The following ZNF668 variants were observed in gnomAD, a reference collection of about 807,000 sequenced individuals.
ZNF668 encodes zinc finger protein 668.
In ZNF668, 10 loss-of-function variants were observed where a neutral mutation model predicts 40.3. That is an observed-to-expected ratio of 0.25 (90% CI 0.15 to 0.42). The LOEUF (loss-of-function observed/expected upper bound fraction) is 0.42. ZNF668 is among the 10% of genes least tolerant of loss of function. The probability of loss-of-function intolerance (pLI) is 1.00; values close to 1 mark genes in which losing one functional copy is unlikely to be tolerated. For missense variants in ZNF668, 749 were observed against 904.6 expected (o/e 0.83, Z 2.21); for synonymous variants, 428 against 384.6 (o/e 1.11, Z -1.32).
chr16:31,066,102 C>A (rs1220916859), intron 1 of ZNF668: 1 of 985,454 alleles, frequency 1.0e-6, no homozygotes, highest in Non-Finnish European at 1.2e-6. Context: ...CAGCACCCTT[C>A]TGCCTGAAAT....
At chr16:31,066,035 TGACCCAGGGAG>T in intron 1 of ZNF668, 2 of 985,346 alleles carry the variant, frequency 2.0e-6, no homozygotes, top group Non-Finnish European at 2.4e-6. Context: ...CTTACCTGGT[TGACCCAGGGAG>T]GACACAGGAG....
intron 1 of ZNF668, among the ~76,000 whole-genome samples, chr16:31,071,689 C>T (rs1230681810): frequency 6.6e-6 from 1 of 152,126 alleles, no homozygotes; most frequent in Non-Finnish European, 1.5e-5. Context: ...CTCCTGGCTT[C>T]AGATGCTCCT....
In ZNF668 at chr16:31,061,087, G is replaced by A; in HGVS notation, c.1841C>T (p.Pro614Leu). 6.7e-7 allele frequency: 1 copy of A among 1,500,502 alleles called. No individual in the cohort carries two copies. The highest frequency in any genetic ancestry group is 8.9e-7 in the Non-Finnish European group (1 of 1,127,258). 92.9% of individuals were successfully genotyped at this position (1,500,502 alleles called of 1,614,324 possible). A position where few individuals can be genotyped will look rare whatever the true frequency, so the allele number is the denominator to read the frequency against. ...LEPLVALLGM[P>L]EEGPA ...TGGGCTTCAGGCCGGCCCCTCTTCAGGCATTCCTAGCAAAGCCACCAGGGG... is the reference window on the plus strand; with the variant it reads ...TGGGCTTCAGGCCGGCCCCTCTTCAAGCATTCCTAGCAAAGCCACCAGGGG... Residue 614 changes from proline (P) to leucine (L), a missense_variant, in exon 3 of 3, where the codon CCT (proline) becomes CTT (leucine). This residue lies in a region of ZNF668 where 310 missense variants were observed against 355.1 expected (regional missense o/e 0.87). Coordinates refer to ENST00000300849, the MANE Select transcript of ZNF668 (RefSeq NM_024706.5). This position sits in a 1 kb window ranked among gnomAD's most constrained non-coding sequence, Gnocchi z 7.7.
At chr16:31,065,853 C>A (rs75294293) in intron 1 of ZNF668, among the ~76,000 whole-genome samples, 29 of 142,502 alleles carry the variant, frequency 2.0e-4, no homozygotes, top group Admixed American at 4.2e-4. Flanking sequence ...GACTCCGTCT[C>A]AAAAAAAAAA....
chr16:31,068,233 A>AAAAAAAT, intron 1 of ZNF668, among the ~76,000 whole-genome samples: 1 of 85,216 alleles, frequency 1.2e-5, no homozygotes, highest in East Asian at 2.2e-4. Context: ...AAAAAAAAAA[A>AAAAAAAT]AAAAAAATAT....
chr16:31,069,548 C>T (rs1266479239), intron 1 of ZNF668, among the ~76,000 whole-genome samples: 1 of 150,528 alleles, frequency 6.6e-6, no homozygotes, highest in African/African-American at 2.4e-5. Flanking sequence ...TCCTTTTCTT[C>T]CCCCCTTTTA....
chr16:31,068,242 ATATATAT>A (rs1567401588), intron 1 of ZNF668, among the ~76,000 whole-genome samples: 2 of 88,572 alleles, frequency 2.3e-5, no homozygotes, highest in African/African-American at 1.0e-4. Context: ...AAAAAAAAAT[ATATATAT>A]ATATATATAT....
chr16:31,067,126 G>A (rs1157557673), intron 1 of ZNF668, among the ~76,000 whole-genome samples: 2 of 152,096 alleles, frequency 1.3e-5, no homozygotes, highest in Admixed American at 6.6e-5. Flanking sequence ...GGCTGAGGTA[G>A]GAGAAATGCT....
chr16:31,064,435 G>C lies in ZNF668; in HGVS notation c.25C>G (p.Arg9Gly), dbSNP rs376786940. The C allele has an allele frequency of 6.2e-7, 1 of 1,611,706 alleles. No homozygotes were observed. Among genetic ancestry groups the C allele is most frequent in the Non-Finnish European group, 8.5e-7 (1 of 1,179,892 alleles). The change falls in exon 2 of 3, where the codon CGG becomes GGG. Residue 9 changes from arginine to glycine, a missense_variant. Transcript: ENST00000300849. The stretch of plus-strand genomic sequence containing the variant: ...CGCTTGTAGCCGGGGGCTGGGGACC[G>C]GGCCTCTGCAGCCTCCACTTCCATG... MEVEAAEA[R>G]SPAPGYKRSG...
In ZNF668 at chr16:31,064,102, G is replaced by T. The variant is rs566874117; in HGVS notation, c.358C>A (p.Arg120Ser). Residue 120 changes from arginine to serine, a missense_variant, in exon 2 of 3, where the codon CGC becomes AGC. Coordinates refer to ENST00000300849, the MANE Select transcript of ZNF668 (RefSeq NM_024706.5). ...KPFPCPECGR[R>S]FMQPVCLRVH... ...CGCAGGCACACGGGCTGCATGAAGCGGCGGCCGCACTCGGGGCACGGAAAG... is the reference window on the plus strand; with the variant it reads ...CGCAGGCACACGGGCTGCATGAAGCTGCGGCCGCACTCGGGGCACGGAAAG... 3.1e-6 allele frequency: 5 copies of T among 1,605,358 alleles called. No homozygotes were observed. The South Asian group carries it at 5.5e-5, about 18-fold the overall frequency.
In ZNF668 at chr16:31,061,943, C is replaced by T. The variant is rs746955550; in HGVS notation, c.985G>A (p.Val329Met). 5.6e-6 allele frequency: 9 copies of T among 1,613,486 alleles called. No homozygotes were observed. Among genetic ancestry groups the T allele is most frequent in the Admixed American group, 3.3e-5 (2 of 59,992 alleles). ...QPADLAMHRRVHTGDRPFKCL... is the reference protein window; with the variant it reads ...QPADLAMHRRMHTGDRPFKCL... ...TTGAACGGCCGGTCGCCTGTGTGCA[C>T]ACGCCGGTGCATGGCCAGGTCCGCC... Residue 329 changes from valine to methionine, a missense_variant, in exon 3 of 3, where the codon GTG (valine) becomes ATG (methionine). By Grantham distance (21) the Val-to-Met change is conservative. Transcript: ENST00000300849. The surrounding 1 kb of genome is among the most constrained non-coding windows in gnomAD (Gnocchi z 7.7).
chr16:31,068,239 A>AAAATATATATAT (rs1473353128), intron 1 of ZNF668, among the ~76,000 whole-genome samples: 1 of 83,012 alleles, frequency 1.2e-5, no homozygotes, highest in African/African-American at 5.0e-5. Context: ...AAAAAAAAAA[A>AAAATATATATAT]ATATATATAT....
intron 1 of ZNF668, among the ~76,000 whole-genome samples, chr16:31,065,799 A>G (rs1200544572): frequency 6.6e-6 from 1 of 151,508 alleles, no homozygotes; most frequent in Non-Finnish European, 1.5e-5. Context: ...GCTTGCAGTG[A>G]GCCAAGATCG....
Position 31,060,884 on chromosome 16 carries a change from A to G in ZNF668, c.*184T>C. On this transcript the variant is annotated 3_prime_UTR_variant, in exon 3 of 3. Coordinates refer to ENST00000300849, the MANE Select transcript of ZNF668 (RefSeq NM_024706.5). ...GAAAGCTTTAATGAGTGTTACTCCTAGACAGTCACGTCTCAGCTTCTGCCA... is the reference window on the plus strand; with the variant it reads ...GAAAGCTTTAATGAGTGTTACTCCTGGACAGTCACGTCTCAGCTTCTGCCA... The G allele has an allele frequency of 6.4e-6, 4 of 622,984 alleles. No individual in the cohort carries two copies. In the South Asian group the frequency reaches 2.2e-4, roughly 34 times the overall value. 38.6% of individuals were successfully genotyped at this position (622,984 alleles called of 1,614,324 possible). A position where few individuals can be genotyped will look rare whatever the true frequency, so the allele number is the denominator to read the frequency against.
At chr16:31,063,424 C>T (rs2056951218) in intron 2 of ZNF668, among the ~76,000 whole-genome samples, 1 of 151,850 alleles carries the variant, frequency 6.6e-6, no homozygotes. Flanking sequence ...AGCTATTGTG[C>T]CCAGCCTAGA....
rs2057038596 is a variant in ZNF668 at position 31,073,753 on chromosome 16, A to T, written c.-117T>A. 6.6e-6 allele frequency: 1 copy of T among 152,278 alleles called. No homozygotes were observed. The highest frequency in any genetic ancestry group is 6.5e-5 in the Admixed American group (1 of 15,284). 9.4% of individuals were successfully genotyped at this position (152,278 alleles called of 1,614,324 possible). A position where few individuals can be genotyped will look rare whatever the true frequency, so the allele number is the denominator to read the frequency against. On this transcript the variant is annotated 5_prime_UTR_variant, in exon 1 of 3. Transcript: ENST00000300849. Reference sequence around the variant, plus strand: ...CAAACAGGGGCCGGCGCTAGGACCCAGCGGGGGGCGGGGAGGTGGGACCGG... The same window carrying T: ...CAAACAGGGGCCGGCGCTAGGACCCTGCGGGGGGCGGGGAGGTGGGACCGG...
chr16:31,072,407 A>C (rs1241045056), intron 1 of ZNF668, among the ~76,000 whole-genome samples: 1 of 152,228 alleles, frequency 6.6e-6, no homozygotes, highest in Non-Finnish European at 1.5e-5. Context: ...CCAACTCCAC[A>C]AGGCTCAACT....
At position 31,063,825 on chromosome 16, in the gene ZNF668, C is replaced by G; in HGVS notation, c.635G>C (p.Arg212Pro). 6.4e-7 allele frequency: 1 copy of G among 1,574,064 alleles called. No homozygotes were observed. Among genetic ancestry groups the G allele is most frequent in the Non-Finnish European group, 8.7e-7 (1 of 1,155,014 alleles). Reference protein sequence around the residue: ...GKAYAELKDLRNHERSHTGER... With the variant: ...GKAYAELKDLPNHERSHTGER... ...AAGGCACCCTCACCGCTCATGGTTGCGGAGGTCCTTGAGCTCCGCATAGGC... is the reference window on the plus strand; with the variant it reads ...AAGGCACCCTCACCGCTCATGGTTGGGGAGGTCCTTGAGCTCCGCATAGGC... Residue 212 changes from arginine to proline, a missense_variant, in exon 2 of 3, where the codon CGC becomes CCC. Transcript: ENST00000300849.
At chr16:31,068,239 A>AAAAAAAAAATATAT (rs1473353128) in intron 1 of ZNF668, among the ~76,000 whole-genome samples, 6 of 82,988 alleles carry the variant, frequency 7.2e-5, no homozygotes, top group African/African-American at 3.0e-4. Flanking sequence ...AAAAAAAAAA[A>AAAAAAAAAATATAT]ATATATATAT....
Sources: gnomAD v4.1 joint callset for allele counts (sites outside exome capture counted in the v4.1 genomes callset) on GRCh38, gnomAD v4.1.1 for gene constraint, gnomAD v4.1.1 regional missense constraint, Gnocchi (gnomAD v3.1) non-coding constraint, MANE v1.5 for transcripts, NCBI Gene and HGNC (gene_info 2026-07-23, HGNC 2026-07-21) for gene names.